The following RPS27L variants were observed in gnomAD, a reference collection of about 807,000 sequenced individuals.
RPS27L encodes ribosomal protein eS27-like.
Under a neutral mutation model 12.8 loss-of-function variants are expected in RPS27L, and 10 were observed. The ratio of observed to expected loss-of-function variants is 0.78; its 90% CI spans 0.48 to 1.33. RPS27L has a LOEUF of 1.33. RPS27L is among the 40% of genes most tolerant of loss of function. RPS27L has a pLI of 0.00. For synonymous variants in RPS27L, 26 were observed against 32.3 expected (o/e 0.81, Z 0.66); for missense variants, 81 against 97.4 (o/e 0.83, Z 0.71).
At chr15:63,154,219 TA>T in intron 3 of RPS27L, 159 bp from the exon 4 acceptor site, 1 of 605,764 alleles carries the variant, frequency 1.7e-6, no homozygotes, top group Middle Eastern at 4.5e-4. Context: ...AAATTTGCTA[TA>T]ATACATCTAT....
chr15:63,155,076 C>G (rs2037323133), intron 3 of RPS27L: 3 of 152,058 alleles, frequency 2.0e-5, no homozygotes, highest in Non-Finnish European at 1.5e-5. Flanking sequence ...ACCATGAGGT[C>G]AGGAGATCAA....
In RPS27L at chr15:63,148,366, AAACAC is replaced by A. The variant is rs959069533; in HGVS notation, c.*5661_*5665del. 9 of 150,416 alleles carry A rather than the reference AAACAC, an allele frequency of 6.0e-5. No homozygotes were observed. Among genetic ancestry groups the A allele is most frequent in the African/African-American group, 1.5e-4 (6 of 40,810 alleles). The allele number at this position is 150,416 out of a possible 1,614,324, so 9.3% of individuals were successfully genotyped here. Reference sequence around the variant, plus strand: ...AATTAGTTGGCTACAAATAAAGAAAAAACACAACTTCAAATTAATACAAAGACAAG... The same window carrying A: ...AATTAGTTGGCTACAAATAAAGAAAAAACTTCAAATTAATACAAAGACAAG... On this transcript the variant is annotated 3_prime_UTR_variant, in exon 4 of 4. Coordinates refer to ENST00000330964, the MANE Select transcript of RPS27L (RefSeq NM_015920.4).
intron 3 of RPS27L, chr15:63,154,727 A>G (rs1322616659): frequency 6.6e-6 from 1 of 152,152 alleles, no homozygotes; most frequent in Non-Finnish European, 1.5e-5. Context: ...TAACATCATT[A>G]TGGAATCACA....
Position 63,153,014 on chromosome 15 carries a change from A to G in RPS27L, c.*1018T>C, listed in dbSNP as rs1305112412. 6.6e-6 allele frequency: 1 copy of G among 152,240 alleles called. No homozygotes were observed. 9.4% of individuals were successfully genotyped at this position (152,240 alleles called of 1,614,324 possible). On this transcript the variant is annotated 3_prime_UTR_variant, in exon 4 of 4. Coordinates refer to ENST00000330964, the MANE Select transcript of RPS27L (RefSeq NM_015920.4). ...TTCCTAGTCCAATGAGGAGTTGTAT[A>G]GTGAGTGGATACACTCCCCGTCTCA...
intron 1 of RPS27L, chr15:63,156,807 A>G (rs2037335527): frequency 1.8e-6 from 1 of 554,404 alleles, no homozygotes; most frequent in South Asian, 2.4e-5. Context: ...ACTGTCTTCG[A>G]TGAAAACTGC....
Position 63,157,463 on chromosome 15 carries a change from C to CT in RPS27L, c.-59dup. The CT allele has an allele frequency of 1.2e-6, 2 of 1,605,572 alleles. No homozygotes were observed. The highest frequency in any genetic ancestry group is 8.5e-7 in the Non-Finnish European group (1 of 1,172,262). On this transcript the variant is annotated 5_prime_UTR_variant, in exon 1 of 4. Coordinates refer to ENST00000330964, the MANE Select transcript of RPS27L (RefSeq NM_015920.4). ...CCTCCCAGCCCACACAGCTAGCAAG[C>CT]TGCAAGCGATCTGCGCTCGGCATCA...
rs1028950061 is a variant in RPS27L at position 63,156,502 on chromosome 15, T to C, written c.26A>G (p.His9Arg). 1.2e-6 allele frequency: 2 copies of C among 1,605,466 alleles called. No individual in the cohort carries two copies. Among genetic ancestry groups the C allele is most frequent in the African/African-American group, 2.7e-5 (2 of 74,572 alleles). MPLARDLL[H>R]PSLEEEKKKH... ...TTTCTTTTCCTCTTCCAAGGACGGA[T>C]GTAGTAAATCTCTAGCCAACTGAAC... Residue 9 changes from histidine to arginine, a missense_variant, in exon 2 of 4, where the codon CAT (histidine) becomes CGT (arginine). Transcript: ENST00000330964.
At position 63,150,119 on chromosome 15, in the gene RPS27L, A is replaced by G. The variant is rs1339221616; in HGVS notation, c.*3913T>C. On this transcript the variant is annotated 3_prime_UTR_variant, in exon 4 of 4. Coordinates refer to ENST00000330964, the MANE Select transcript of RPS27L (RefSeq NM_015920.4). ...AGTGAAAACACTCTAAGTATCTATC[A>G]ACTGATGAATGGATAAACATTGTAT... 6.6e-6 allele frequency: 1 copy of G among 152,198 alleles called. No individual in the cohort carries two copies. Among genetic ancestry groups the G allele is most frequent in the East Asian group, 1.9e-4 (1 of 5,202 alleles). The allele number at this position is 152,198 out of a possible 1,614,324, so 9.4% of individuals were successfully genotyped here. A position where few individuals can be genotyped will look rare whatever the true frequency, so the allele number is the denominator to read the frequency against.
intron 1 of RPS27L, 113 bp downstream of exon 1, chr15:63,157,287 G>A: frequency 8.3e-7 from 1 of 1,202,234 alleles, no homozygotes; most frequent in South Asian, 1.2e-5. Context: ...AACCTGAGCC[G>A]CCTCGCCACT....
rs1289112451 is a variant in RPS27L, at chr15:63,157,401, G to C, written c.5C>G (p.Pro2Arg). Residue 2 changes from proline (P) to arginine (R), a missense_variant and splice_region_variant, in exon 1 of 4, where the codon CCT (proline) becomes CGT (arginine). By Grantham distance (103) the Pro-to-Arg change is moderately radical. Transcript: ENST00000330964. M[P>R]LARDLLHPSL... ...CGGAGCCCGATGTAAACAACTCACA[G>C]GCATGTTGATCCTCTTGCAAGCTCA... 6.2e-7 allele frequency: 1 copy of C among 1,614,020 alleles called. No homozygotes were observed. The highest frequency in any genetic ancestry group is 1.7e-5 in the Admixed American group (1 of 59,984).
In RPS27L at chr15:63,151,526, G is replaced by A. The variant is rs543232805; in HGVS notation, c.*2506C>T. 4.6e-5 allele frequency: 7 copies of A among 152,246 alleles called. No homozygotes were observed. The highest frequency in any genetic ancestry group is 1.9e-4 in the East Asian group (1 of 5,174). The allele number at this position is 152,246 out of a possible 1,614,324, so 9.4% of individuals were successfully genotyped here. ...TGGGATTATAGGTGTGAGCCACCGC[G>A]CCCAGCCCTTAGATGTGGTCTTTAA... On this transcript the variant is annotated 3_prime_UTR_variant, in exon 4 of 4. Coordinates refer to ENST00000330964, the MANE Select transcript of RPS27L (RefSeq NM_015920.4).
Position 63,149,709 on chromosome 15 carries a change from C to T in RPS27L, c.*4323G>A, listed in dbSNP as rs1318474185. The stretch of plus-strand genomic sequence containing the variant: ...AATAATGGCCCTCTAAAGATTCCCA[C>T]ACCCTAATCCCCAGAACCTACGAAT... On this transcript the variant is annotated 3_prime_UTR_variant, in exon 4 of 4. Coordinates refer to ENST00000330964, the MANE Select transcript of RPS27L (RefSeq NM_015920.4). 6.6e-6 allele frequency: 1 copy of T among 152,154 alleles called. No individual in the cohort carries two copies. Among genetic ancestry groups the T allele is most frequent in the African/African-American group, 2.4e-5 (1 of 41,420 alleles). The allele number at this position is 152,154 out of a possible 1,614,324, so 9.4% of individuals were successfully genotyped here.
In RPS27L at chr15:63,157,465, G is replaced by C. The variant is rs148273398; in HGVS notation, c.-60C>G. The C allele has an allele frequency of 2.3e-4, 367 of 1,602,284 alleles. No homozygotes were observed. The highest frequency in any genetic ancestry group is 2.9e-4 in the Non-Finnish European group (344 of 1,169,554). ...TCCCAGCCCACACAGCTAGCAAGCT[G>C]CAAGCGATCTGCGCTCGGCATCAAC... On this transcript the variant is annotated 5_prime_UTR_variant, in exon 1 of 4. Coordinates refer to ENST00000330964, the MANE Select transcript of RPS27L (RefSeq NM_015920.4).
chr15:63,151,003 T>G lies in RPS27L; in HGVS notation c.*3029A>C, dbSNP rs1296517551. On this transcript the variant is annotated 3_prime_UTR_variant, in exon 4 of 4. Transcript: ENST00000330964. Reference sequence around the variant, plus strand: ...AGGAAGCCTTCCCCTAAAAATAAATTTATATTAAGTTTATGGAAGGTTTCC... The same window carrying G: ...AGGAAGCCTTCCCCTAAAAATAAATGTATATTAAGTTTATGGAAGGTTTCC... 1 of 152,178 alleles carries G rather than the reference T, an allele frequency of 6.6e-6. No individual in the cohort carries two copies. The highest frequency in any genetic ancestry group is 1.5e-5 in the Non-Finnish European group (1 of 68,032). The allele number at this position is 152,178 out of a possible 1,614,324, so 9.4% of individuals were successfully genotyped here.
Position 63,152,478 on chromosome 15 carries a change from A to G in RPS27L, c.*1554T>C, listed in dbSNP as rs1157137539. The G allele has an allele frequency of 7.6e-6, 1 of 132,448 alleles. No homozygotes were observed. The highest frequency in any genetic ancestry group is 1.6e-5 in the Non-Finnish European group (1 of 61,416). The allele number at this position is 132,448 out of a possible 1,614,324, so 8.2% of individuals were successfully genotyped here. A position where few individuals can be genotyped will look rare whatever the true frequency, so the allele number is the denominator to read the frequency against. On this transcript the variant is annotated 3_prime_UTR_variant, in exon 4 of 4. Coordinates refer to ENST00000330964, the MANE Select transcript of RPS27L (RefSeq NM_015920.4). The stretch of plus-strand genomic sequence containing the variant: ...CTCTGGGTCATCTACATATATATGT[A>G]TATATATATATTTTTTTTTTCTTTT...
At position 63,148,519 on chromosome 15, in the gene RPS27L, G is replaced by A. The variant is rs1175826639; in HGVS notation, c.*5513C>T. On this transcript the variant is annotated 3_prime_UTR_variant, in exon 4 of 4. Transcript: ENST00000330964. ...TAGACACAAAACACTGAGCAGGGCTGAAGCTGAGGGTCTGCCGGGCTCTGG... is the reference window on the plus strand; with the variant it reads ...TAGACACAAAACACTGAGCAGGGCTAAAGCTGAGGGTCTGCCGGGCTCTGG... The A allele has an allele frequency of 6.6e-6, 1 of 152,244 alleles. No individual in the cohort carries two copies. Among genetic ancestry groups the A allele is most frequent in the Non-Finnish European group, 1.5e-5 (1 of 68,036 alleles). 9.4% of individuals were successfully genotyped at this position (152,244 alleles called of 1,614,324 possible).
chr15:63,157,107 T>G (rs969226649), intron 1 of RPS27L: 8 of 481,848 alleles, frequency 1.7e-5, no homozygotes, highest in Non-Finnish European at 2.6e-5. Context: ...GACCCAAAGA[T>G]CACAACCTCA....
In RPS27L at chr15:63,152,061, A is replaced by C. The variant is rs919602119; in HGVS notation, c.*1971T>G. ...TCCCAGCACTTTGGTAGGCCAAGGC[A>C]GATCACCTGAGGCCAGGAGTTCCTT... is the stretch of plus-strand genomic sequence containing the variant. On this transcript the variant is annotated 3_prime_UTR_variant, in exon 4 of 4. Coordinates refer to ENST00000330964, the MANE Select transcript of RPS27L (RefSeq NM_015920.4). 1 of 152,380 alleles carries C rather than the reference A, an allele frequency of 6.6e-6. No individual in the cohort carries two copies. The highest frequency in any genetic ancestry group is 1.5e-5 in the Non-Finnish European group (1 of 68,184). The allele number at this position is 152,380 out of a possible 1,614,324, so 9.4% of individuals were successfully genotyped here. A position where few individuals can be genotyped will look rare whatever the true frequency, so the allele number is the denominator to read the frequency against.
rs2037283020 is a variant in RPS27L at position 63,149,013 on chromosome 15, C to T, written c.*5019G>A. The T allele has an allele frequency of 6.6e-6, 1 of 152,024 alleles. No individual in the cohort carries two copies. Among genetic ancestry groups the T allele is most frequent in the Non-Finnish European group, 1.5e-5 (1 of 68,058 alleles). The allele number at this position is 152,024 out of a possible 1,614,324, so 9.4% of individuals were successfully genotyped here. On this transcript the variant is annotated 3_prime_UTR_variant, in exon 4 of 4. Transcript: ENST00000330964. Reference sequence around the variant, plus strand: ...AGCTGGGACTACAGGCGCCCGACACCACGCCCAGCTAATTTTTGTATTTTT... The same window carrying T: ...AGCTGGGACTACAGGCGCCCGACACTACGCCCAGCTAATTTTTGTATTTTT...
Sources: gnomAD v4.1 joint callset for allele counts on GRCh38, gnomAD v4.1.1 for gene constraint, MANE v1.5 for transcripts, NCBI Gene and HGNC (gene_info 2026-07-23, HGNC 2026-07-21) for gene names.